The following ADAMTSL1 variants were observed in gnomAD, a reference collection of about 807,000 sequenced individuals.
The protein encoded by ADAMTSL1 is ADAMTS-like protein 1.
In ADAMTSL1, 126 loss-of-function variants were observed where a neutral mutation model predicts 201.8. The observed-to-expected ratio is 0.62, with a 90% CI of 0.54 to 0.72. The LOEUF is 0.72. ADAMTSL1 is among the 30% of genes least tolerant of loss of function. The pLI, the probability that ADAMTSL1 is intolerant of heterozygous loss-of-function variation, is 0.00. For missense variants in ADAMTSL1, 2,679 were observed against 2,277.8 expected (o/e 1.18, Z -3.59); for synonymous variants, 1,121 against 903.4 (o/e 1.24, Z -4.32).
intron 2 of ADAMTSL1, among the ~76,000 whole-genome samples, chr9:18,340,177 G>C (rs1835413209): frequency 6.6e-6 from 1 of 152,128 alleles, no homozygotes; most frequent in Non-Finnish European, 1.5e-5. Context: ...GCTTTATTCT[G>C]TCTGGTTGTT....
intron 1 of ADAMTSL1, among the ~76,000 whole-genome samples, chr9:18,066,108 A>G (rs1367231472): frequency 3.3e-5 from 5 of 151,346 alleles, no homozygotes. Flanking sequence ...AGGTGATGTT[A>G]TTTAATATAG....
rs375369878 is a variant in ADAMTSL1, at chr9:18,817,094, C to T, written c.3806-15C>T. The T allele has an allele frequency of 6.2e-7, 1 of 1,608,056 alleles. No individual in the cohort carries two copies. Among genetic ancestry groups the T allele is most frequent in the Non-Finnish European group, 8.5e-7 (1 of 1,177,968 alleles). On this transcript the variant is annotated splice_polypyrimidine_tract_variant and intron_variant, in intron 20 of 28. Transcript: ENST00000380548. ...TCACCACCAAGTAACATCTCATATTCTTTCTTATCTTCAGGAAAGCCACTA... is the reference window on the plus strand; with the variant it reads ...TCACCACCAAGTAACATCTCATATTTTTTCTTATCTTCAGGAAAGCCACTA...
chr9:18,412,143 TCC>T (rs1818470153), intron 2 of ADAMTSL1, among the ~76,000 whole-genome samples: 1 of 152,210 alleles, frequency 6.6e-6, no homozygotes, highest in Non-Finnish European at 1.5e-5. Context: ...ATCCTTCTAG[TCC>T]CCACTTTTCC....
At chr9:17,921,957 A>G (rs1292601745) in intron 1 of ADAMTSL1, among the ~76,000 whole-genome samples, 1 of 152,164 alleles carries the variant, frequency 6.6e-6, no homozygotes, top group African/African-American at 2.4e-5. Context: ...TTTATTTTAT[A>G]CATTTTGACA....
intron 2 of ADAMTSL1, among the ~76,000 whole-genome samples, chr9:18,508,289 A>T (rs1740163534): frequency 6.6e-6 from 1 of 152,130 alleles, no homozygotes; most frequent in African/African-American, 2.4e-5. Flanking sequence ...TCTTCCTGCC[A>T]TTCTGTATCA....
intron 3 of ADAMTSL1, among the ~76,000 whole-genome samples, chr9:18,540,718 T>A (rs2132153037): frequency 6.6e-6 from 1 of 152,272 alleles, no homozygotes; most frequent in African/African-American, 2.4e-5. Flanking sequence ...ACCCCTTCTG[T>A]GCATTTCTCT....
chr9:18,026,186 G>T (rs768489214), intron 1 of ADAMTSL1, among the ~76,000 whole-genome samples: 14 of 151,886 alleles, frequency 9.2e-5, no homozygotes, highest in Non-Finnish European at 1.9e-4. Flanking sequence ...TTTCTATTCG[G>T]ATGTCTTTTA....
At chr9:17,907,654 G>A (rs1312933566) in intron 1 of ADAMTSL1, among the ~76,000 whole-genome samples, 6 of 152,162 alleles carry the variant, frequency 3.9e-5, no homozygotes, top group Non-Finnish European at 8.8e-5. Flanking sequence ...AAGGGCCCTG[G>A]GAGAGGGTGT....
chr9:18,406,543 G>C (rs1269658698), intron 2 of ADAMTSL1, among the ~76,000 whole-genome samples: 1 of 151,838 alleles, frequency 6.6e-6, no homozygotes, highest in Non-Finnish European at 1.5e-5. Context: ...GTTGGCCAGG[G>C]TGGGTTCAAA....
chr9:18,112,156 G>T (rs1393411173), intron 1 of ADAMTSL1, among the ~76,000 whole-genome samples: 1 of 152,118 alleles, frequency 6.6e-6, no homozygotes, highest in Non-Finnish European at 1.5e-5. Flanking sequence ...CTATGAATAG[G>T]AAGATAGATA....
At chr9:17,976,960 G>C (rs574644218) in intron 1 of ADAMTSL1, among the ~76,000 whole-genome samples, 5 of 151,830 alleles carry the variant, frequency 3.3e-5, no homozygotes, top group African/African-American at 1.2e-4. Flanking sequence ...TGTTAGTTGT[G>C]GGCTTATCAC....
chr9:18,581,693 GC>G (rs1823102587), intron 4 of ADAMTSL1, among the ~76,000 whole-genome samples: 1 of 152,148 alleles, frequency 6.6e-6, no homozygotes, highest in African/African-American at 2.4e-5. Flanking sequence ...ACAAGCAGAA[GC>G]AGATTCCCAT....
intron 1 of ADAMTSL1, among the ~76,000 whole-genome samples, chr9:18,029,846 G>T (rs550114723): frequency 4.5e-4 from 68 of 151,746 alleles, no homozygotes; most frequent in Non-Finnish European, 7.8e-4. Flanking sequence ...ACCACAATGA[G>T]ATACCATCTC....
intron 2 of ADAMTSL1, among the ~76,000 whole-genome samples, chr9:18,389,442 TG>T (rs1837952928): frequency 6.6e-6 from 1 of 152,212 alleles, no homozygotes; most frequent in Non-Finnish European, 1.5e-5. Flanking sequence ...GTAAAGAAGC[TG>T]GTCGCCCAGT....
At position 18,776,732 on chromosome 9, in the gene ADAMTSL1, C is replaced by G. The variant is rs147105215; in HGVS notation, c.2552-49C>G. 860 of 1,488,410 alleles carry G rather than the reference C, an allele frequency of 5.8e-4. 9 individuals are homozygous for G. In the African/African-American group the frequency reaches 0.01, roughly 18 times the overall value. 92.2% of individuals were successfully genotyped at this position (1,488,410 alleles called of 1,614,324 possible). ...CTGGCTGCATCTCACTCTGGGTTTTCTCTCTCCCCACCTCTTTCTCTGTCC... is the reference window on the plus strand; with the variant it reads ...CTGGCTGCATCTCACTCTGGGTTTTGTCTCTCCCCACCTCTTTCTCTGTCC... On this transcript the variant is annotated intron_variant, in intron 18 of 28. Coordinates refer to ENST00000380548, the MANE Select transcript of ADAMTSL1 (RefSeq NM_001040272.6).
At chr9:18,165,470 A>C (rs959043250) in intron 2 of ADAMTSL1, among the ~76,000 whole-genome samples, 1 of 151,908 alleles carries the variant, frequency 6.6e-6, no homozygotes, top group African/African-American at 2.4e-5. Flanking sequence ...TTACTACCTA[A>C]TATTACATTG....
At chr9:18,876,325 T>TGTGTGTGTGTGTGTGTGTGTGTGC in intron 23 of ADAMTSL1, among the ~76,000 whole-genome samples, 1 of 151,578 alleles carries the variant, frequency 6.6e-6, no homozygotes, top group South Asian at 2.1e-4. Context: ...TGTGTGTGTG[T>TGTGTGTGTGTGTGTGTGTGTGTGC]GTGTGCGTGA....
At chr9:18,059,830 T>A (rs1822370051) in intron 1 of ADAMTSL1, among the ~76,000 whole-genome samples, 1 of 152,212 alleles carries the variant, frequency 6.6e-6, no homozygotes, top group Non-Finnish European at 1.5e-5. Flanking sequence ...TTGGCTTTTT[T>A]TTAAGGCTGT....
intron 20 of ADAMTSL1, among the ~76,000 whole-genome samples, chr9:18,798,109 A>C (rs1822548043): frequency 1.3e-5 from 2 of 150,338 alleles, no homozygotes; most frequent in African/African-American, 2.4e-5. Context: ...AAAAAAAAAA[A>C]CTTTGAGCCT....
Sources: gnomAD v4.1 joint callset for allele counts (sites outside exome capture counted in the v4.1 genomes callset) on GRCh38, gnomAD v4.1.1 for gene constraint, MANE v1.5 for transcripts, NCBI Gene and HGNC (gene_info 2026-07-23, HGNC 2026-07-21) for gene names.